CYTH1: variants seen among roughly 807,000 people sequenced by gnomAD.
CYTH1 encodes the protein cytohesin 1, also known as cytohesin-1.
CYTH1 carries 18 observed loss-of-function variants against 61.8 expected under a neutral mutation model. The ratio of observed to expected loss-of-function variants is 0.29; its 90% CI spans 0.20 to 0.43. CYTH1 has a LOEUF of 0.43. CYTH1 is among the 20% of genes least tolerant of loss of function. The pLI is 1.00. For missense variants in CYTH1, 336 were observed against 510.5 expected, an observed-to-expected ratio of 0.66 and a Z score of 3.29; for synonymous variants, 174 against 184.3, an observed-to-expected ratio of 0.94 and a Z score of 0.45.
At chr17:78,722,591 T>C (rs1299069240) in intron 1 of CYTH1, among the ~76,000 whole-genome samples, 2 of 152,136 alleles carry the variant, frequency 1.3e-5, no homozygotes, top group African/African-American at 2.4e-5. Context: ...ACGACACCCC[T>C]TCCGTGTCCA....
intron 1 of CYTH1, among the ~76,000 whole-genome samples, chr17:78,738,386 C>CA (rs1394102112): frequency 3.3e-5 from 5 of 152,196 alleles, no homozygotes; most frequent in African/African-American, 4.8e-5. Context: ...GCTGGACTCC[C>CA]AAACCCCTCT....
At chr17:78,695,137 T>C (rs796886942) in intron 10 of CYTH1, among the ~76,000 whole-genome samples, 4 of 152,244 alleles carry the variant, frequency 2.6e-5, no homozygotes, top group African/African-American at 9.6e-5. Context: ...GCTCAGGGAA[T>C]GCTTAGGCAC....
intron 11 of CYTH1, among the ~76,000 whole-genome samples, chr17:78,681,916 T>C (rs1044919830): frequency 3.9e-5 from 6 of 152,042 alleles, no homozygotes; most frequent in Admixed American, 6.5e-5. Flanking sequence ...TTCCCCATCC[T>C]GGCTAGCAAC....
Position 78,717,693 on chromosome 17 carries a change from C to T in CYTH1, c.23-7961G>A, listed in dbSNP as rs369696895. On this transcript the variant is annotated intron_variant, in intron 1 of 13. Transcript: ENST00000446868. The surrounding 1 kb of genome is among the most constrained non-coding windows in gnomAD (Gnocchi z 4.4). ...GCTCCACCGGCCACAGGCAGATGCC[C>T]GGGGATATGCCATAAAGTTCCACGG... Among the ~76,000 whole-genome samples, 13 of 152,198 alleles carry T rather than the reference C, an allele frequency of 8.5e-5. 4 individuals are homozygous for T. Among genetic ancestry groups the T allele is most frequent in the African/African-American group, 7.2e-5 (3 of 41,522 alleles).
chr17:78,732,763 G>C (rs980827244), intron 1 of CYTH1, among the ~76,000 whole-genome samples: 8 of 152,218 alleles, frequency 5.3e-5, no homozygotes, highest in African/African-American at 1.7e-4. Context: ...TGTCCAACTA[G>C]AGACTACCAC....
intron 1 of CYTH1, among the ~76,000 whole-genome samples, chr17:78,749,903 G>A (rs2093373208): frequency 6.6e-6 from 1 of 152,010 alleles, no homozygotes; most frequent in Non-Finnish European, 1.5e-5. Flanking sequence ...TCCTCAAATT[G>A]CAGAAACTAC....
At position 78,700,469 on chromosome 17, in the gene CYTH1, C is replaced by T; in HGVS notation, c.438-26G>A. 1 of 1,567,280 alleles carries T rather than the reference C, an allele frequency of 6.4e-7. No individual in the cohort carries two copies. The highest frequency in any genetic ancestry group is 8.7e-7 in the Non-Finnish European group (1 of 1,155,962). On this transcript the variant is annotated intron_variant, in intron 6 of 13. Coordinates refer to ENST00000446868, the MANE Select transcript of CYTH1 (RefSeq NM_004762.6). The surrounding 1 kb of genome is among the most constrained non-coding windows in gnomAD (Gnocchi z 5.1). The stretch of plus-strand genomic sequence containing the variant: ...CTGAGTGGGTAAAGACAGAGTGTTC[C>T]AGAACTTGGGGAGGCAATTTATTTC...
intron 11 of CYTH1, chr17:78,691,711 G>A (rs993269415): frequency 2.6e-5 from 4 of 152,208 alleles, no homozygotes; most frequent in African/African-American, 9.6e-5. Flanking sequence ...CCAGTCCGGT[G>A]AGCCACGGTC....
At chr17:78,714,084 G>A (rs994265088) in intron 1 of CYTH1, among the ~76,000 whole-genome samples, 2 of 152,190 alleles carry the variant, frequency 1.3e-5, no homozygotes, top group Non-Finnish European at 2.9e-5. Context: ...GAGGCCAGGA[G>A]TTCAAGACCC....
intron 1 of CYTH1, among the ~76,000 whole-genome samples, chr17:78,715,687 G>T (rs1293925873): frequency 1.3e-5 from 2 of 152,180 alleles, no homozygotes; most frequent in African/African-American, 4.8e-5. Flanking sequence ...CAGAAGAAAT[G>T]AAACATGCCC....
intron 1 of CYTH1, chr17:78,723,339 T>C (rs2093245402): frequency 6.6e-6 from 1 of 152,536 alleles, no homozygotes; most frequent in Admixed American, 6.5e-5. Context: ...GACCCCACAG[T>C]ACCAGGCTGC....
chr17:78,741,201 A>G (rs1170145299), intron 1 of CYTH1, among the ~76,000 whole-genome samples: 1 of 152,160 alleles, frequency 6.6e-6, no homozygotes, highest in Non-Finnish European at 1.5e-5. Flanking sequence ...CTCCAGCAAT[A>G]GATTAGGTGG....
At chr17:78,702,376 G>A (rs143038341) in intron 4 of CYTH1, 136 bp from the exon 5 acceptor site, 60 of 993,784 alleles carry the variant, frequency 6.0e-5, no homozygotes, top group Non-Finnish European at 8.6e-5. Flanking sequence ...CTATAAAGCC[G>A]GGGAGTCACA....
intron 1 of CYTH1, among the ~76,000 whole-genome samples, chr17:78,764,627 G>A (rs2093441212): frequency 6.6e-6 from 1 of 152,138 alleles, no homozygotes; most frequent in African/African-American, 2.4e-5. Context: ...ATGGAAGAAT[G>A]AAATTAGATG....
At position 78,703,897 on chromosome 17, in the gene CYTH1, C is replaced by T. The variant is rs1321329435; in HGVS notation, c.171-1293G>A. On this transcript the variant is annotated intron_variant, in intron 3 of 13. Coordinates refer to ENST00000446868, the MANE Select transcript of CYTH1 (RefSeq NM_004762.6). ...TGCAGAAGGCTGCTATCAGCATTTG[C>T]ATATATGTCTTTGTGTGGACACGTT... 2.6e-5 allele frequency among the ~76,000 whole-genome samples: 4 copies of T among 152,208 alleles called. 1 individual carries two copies. The East Asian group carries it at 7.7e-4, about 29-fold the overall frequency.
intron 1 of CYTH1, among the ~76,000 whole-genome samples, chr17:78,780,439 CAAGG>C (rs1305071374): frequency 2.6e-5 from 4 of 152,198 alleles, no homozygotes; most frequent in Non-Finnish European, 5.9e-5. Context: ...TTGCTTGAGC[CAAGG>C]AAGCAGAGCG....
chr17:78,762,246 T>A (rs1198216691), intron 1 of CYTH1, among the ~76,000 whole-genome samples: 1 of 152,160 alleles, frequency 6.6e-6, no homozygotes, highest in Non-Finnish European at 1.5e-5. Flanking sequence ...TCCGGTAATT[T>A]GATGACAAAT....
chr17:78,699,461 G>A (rs1032371284), intron 7 of CYTH1, among the ~76,000 whole-genome samples: 3 of 151,966 alleles, frequency 2.0e-5, no homozygotes, highest in East Asian at 1.9e-4. Context: ...AGCAAGGCAC[G>A]AAAAAGTATA....
chr17:78,681,641 C>T (rs1317667846), intron 11 of CYTH1, among the ~76,000 whole-genome samples: 2 of 152,182 alleles, frequency 1.3e-5, no homozygotes, highest in African/African-American at 2.4e-5. Flanking sequence ...GGCACGGCAC[C>T]GCAGACACTT....
Sources: allele counts gnomAD v4.1 joint callset (sites outside exome capture counted in the v4.1 genomes callset), GRCh38; gene constraint gnomAD v4.1.1; non-coding constraint Gnocchi (gnomAD v3.1); transcripts MANE v1.5; gene names NCBI Gene and HGNC (gene_info 2026-07-23, HGNC 2026-07-21).